SYT14: variants seen among roughly 807,000 people sequenced by gnomAD.
SYT14 encodes synaptotagmin 14, also known as synaptotagmin-14.
SYT14 carries 32 observed loss-of-function variants against 74.2 expected under a neutral mutation model. The ratio of observed to expected loss-of-function variants is 0.43; its 90% CI spans 0.33 to 0.58. The LOEUF is 0.58. Ranked by LOEUF, SYT14 falls within the 20% of genes least tolerant of loss-of-function variation. The pLI, the probability that SYT14 is intolerant of heterozygous loss-of-function variation, is 0.05. For missense variants in SYT14, 791 were observed against 981.8 expected (o/e 0.81, Z 2.60); for synonymous variants, 298 against 337.7 (o/e 0.88, Z 1.29).
intron 1 of SYT14, among the ~76,000 whole-genome samples, chr1:209,949,385 C>T (rs1224552840): frequency 6.6e-6 from 1 of 151,770 alleles, no homozygotes; most frequent in African/African-American, 2.4e-5. Context: ...CCATCCTGGG[C>T]AACATAGTGA....
At chr1:210,095,850 A>G (rs540111019) in intron 6 of SYT14, among the ~76,000 whole-genome samples, 11 of 152,164 alleles carry the variant, frequency 7.2e-5, no homozygotes, top group Admixed American at 6.5e-4. Flanking sequence ...TTTAAGTTTA[A>G]TATATCATTA....
intron 5 of SYT14, among the ~76,000 whole-genome samples, chr1:210,059,441 T>TAGAGAGAG (rs1175419124): frequency 2.1e-3 from 193 of 93,018 alleles, no homozygotes; most frequent in Non-Finnish European, 3.2e-3. Context: ...TATATATATA[T>TAGAGAGAG]ATATATATAT....
chr1:210,059,224 A>G (rs771281337), intron 5 of SYT14, among the ~76,000 whole-genome samples: 1 of 151,840 alleles, frequency 6.6e-6, no homozygotes, highest in Non-Finnish European at 1.5e-5. Flanking sequence ...TAAGGGCAGG[A>G]TGAGAGAAAT....
At chr1:210,019,131 CAAAAAAAAAAA>C (rs1215149823) in intron 4 of SYT14, among the ~76,000 whole-genome samples, 3 of 56,682 alleles carry the variant, frequency 5.3e-5, no homozygotes, top group South Asian at 2.0e-3. Flanking sequence ...TGAGACTCCT[CAAAAAAAAAAA>C]AAAAAAAAAA....
intron 5 of SYT14, among the ~76,000 whole-genome samples, chr1:210,066,327 G>C (rs1446801852): frequency 6.6e-6 from 1 of 151,920 alleles, no homozygotes; most frequent in Non-Finnish European, 1.5e-5. Context: ...GGTTGAACTA[G>C]TTTACAGTCC....
intron 7 of SYT14, among the ~76,000 whole-genome samples, chr1:210,147,157 G>T (rs1270665979): frequency 1.3e-5 from 2 of 151,276 alleles, no homozygotes; most frequent in African/African-American, 4.9e-5. Flanking sequence ...AATAAAAGAA[G>T]TAATAGAAAC....
chr1:210,163,387 AG>A (rs1306088057), exon 10 of SYT14: 1 of 453,686 alleles, frequency 2.2e-6, no homozygotes, highest in Non-Finnish European at 4.4e-6. Context: ...ATTTCTGGAA[AG>A]ACCCTACCTC....
At chr1:210,049,485 A>C (rs1163179452) in intron 5 of SYT14, among the ~76,000 whole-genome samples, 1 of 148,878 alleles carries the variant, frequency 6.7e-6, no homozygotes, top group Non-Finnish European at 1.5e-5. Flanking sequence ...CAGGACATGC[A>C]GGTTTGTTAC....
intron 7 of SYT14, among the ~76,000 whole-genome samples, chr1:210,109,336 A>G (rs910685709): frequency 6.6e-6 from 1 of 151,932 alleles, no homozygotes; most frequent in African/African-American, 2.4e-5. Context: ...TCCTAGCACT[A>G]TGGGAGGCTG....
At chr1:209,985,708 T>G (rs1215042684) in intron 2 of SYT14, among the ~76,000 whole-genome samples, 1 of 152,194 alleles carries the variant, frequency 6.6e-6, no homozygotes, top group African/African-American at 2.4e-5. Context: ...TGCAGCAATC[T>G]TCTTCCTAGA....
intron 7 of SYT14, among the ~76,000 whole-genome samples, chr1:210,109,708 G>T (rs1378817078): frequency 6.6e-6 from 1 of 152,190 alleles, no homozygotes; most frequent in African/African-American, 2.4e-5. Context: ...AAGACAGTGT[G>T]ATGATTCCTC....
At chr1:210,050,968 G>A (rs1208880167) in intron 5 of SYT14, among the ~76,000 whole-genome samples, 3 of 152,186 alleles carry the variant, frequency 2.0e-5, no homozygotes, top group Middle Eastern at 3.2e-3. Context: ...TTGTGAGGAA[G>A]GACATTTAGA....
chr1:210,031,960 T>C (rs2080545779), intron 5 of SYT14, among the ~76,000 whole-genome samples: 1 of 152,162 alleles, frequency 6.6e-6, no homozygotes, highest in South Asian at 2.1e-4. Flanking sequence ...TGCTATGGAC[T>C]ACTATGCACT....
chr1:209,963,580 T>G (rs1402704375), intron 2 of SYT14, among the ~76,000 whole-genome samples: 1 of 152,242 alleles, frequency 6.6e-6, no homozygotes, highest in East Asian at 1.9e-4. Flanking sequence ...TTTCTGGTTA[T>G]TTATTCTGGC....
Position 209,938,288 on chromosome 1 carries a change from G to T in SYT14, c.-534+11G>T, listed in dbSNP as rs765429223. The T allele has an allele frequency of 6.4e-7, 1 of 1,557,250 alleles. No homozygotes were observed. On this transcript the variant is annotated intron_variant, in intron 1 of 9. Transcript: ENST00000637265. ...TCATGGCGATTGAAGGTAAGTGGAG[G>T]CTGACAGCGGGGAGCGAGGACCGGG...
At chr1:210,110,421 A>G (rs980781383) in intron 7 of SYT14, among the ~76,000 whole-genome samples, 5 of 152,202 alleles carry the variant, frequency 3.3e-5, no homozygotes, top group African/African-American at 9.6e-5. Context: ...CTTTTCCACA[A>G]CTTTTAGAGG....
At chr1:210,163,188 C>T in exon 10 of SYT14, 1 of 453,650 alleles carries the variant, frequency 2.2e-6, no homozygotes, top group Non-Finnish European at 4.4e-6. Flanking sequence ...TAGTGAAACA[C>T]ATTAGTAAGA....
intron 7 of SYT14, among the ~76,000 whole-genome samples, chr1:210,154,296 T>TG (rs2083226439): frequency 6.6e-6 from 1 of 152,104 alleles, no homozygotes; most frequent in African/African-American, 2.4e-5. Flanking sequence ...CTGTTAGGAA[T>TG]GGGCGCCGCA....
chr1:210,165,044 T>G (rs1256584557), exon 10 of SYT14: 1 of 152,176 alleles, frequency 6.6e-6, no homozygotes, highest in Non-Finnish European at 1.5e-5. Flanking sequence ...TGCTTGATTC[T>G]CAAAACAATA....
Sources: allele counts gnomAD v4.1 joint callset (sites outside exome capture counted in the v4.1 genomes callset), GRCh38; gene constraint gnomAD v4.1.1; transcripts MANE v1.5; gene names NCBI Gene and HGNC (gene_info 2026-07-23, HGNC 2026-07-21).